The following CFAP44 variants were observed in gnomAD, a reference collection of about 807,000 sequenced individuals.
CFAP44 encodes cilia- and flagella-associated protein 44.
Under a neutral mutation model 216.2 loss-of-function variants are expected in CFAP44, and 134 were observed. The ratio of observed to expected loss-of-function variants is 0.62; its 90% CI spans 0.54 to 0.72. The LOEUF is 0.72. CFAP44 is among the 30% of genes least tolerant of loss of function. The probability of loss-of-function intolerance (pLI) is 0.00; values close to 1 mark genes in which losing one functional copy is unlikely to be tolerated. For missense variants in CFAP44, 2,035 were observed against 2,182.1 expected (o/e 0.93, Z 1.34); for synonymous variants, 700 against 727.6 (o/e 0.96, Z 0.61).
rs981869631 is a variant in CFAP44 at position 113,407,052 on chromosome 3, G to A, written c.891-11C>T. On this transcript the variant is annotated splice_polypyrimidine_tract_variant and intron_variant, in intron 7 of 34. Coordinates refer to ENST00000393845, the MANE Select transcript of CFAP44 (RefSeq NM_001164496.2). ...GCCATTTCCCAGAACCTACAAACAA[G>A]AAAGAGACTGAATGTACCTCAAAGA... 3.2e-6 allele frequency: 5 copies of A among 1,581,006 alleles called. No individual in the cohort carries two copies. The highest frequency in any genetic ancestry group is 2.7e-5 in the African/African-American group (2 of 74,196).
intron 9 of CFAP44, among the ~76,000 whole-genome samples, chr3:113,402,745 A>G (rs1934177475): frequency 6.6e-6 from 1 of 152,180 alleles, no homozygotes; most frequent in South Asian, 2.1e-4. Context: ...ACAGACTCTG[A>G]AAAGAGAAGC....
In CFAP44 at chr3:113,401,198, A is replaced by C. The variant is rs199771759; in HGVS notation, c.1374+42T>G. On this transcript the variant is annotated intron_variant, in intron 11 of 34. Coordinates refer to ENST00000393845, the MANE Select transcript of CFAP44 (RefSeq NM_001164496.2). The stretch of plus-strand genomic sequence containing the variant: ...TTAAAGACAAATAACAAAAGTTTTT[A>C]CTATGAAAGTTAGGAGAAAATAAGA... 6 of 1,517,294 alleles carry C rather than the reference A, an allele frequency of 4.0e-6. No individual in the cohort carries two copies. In the Admixed American group the frequency reaches 6.5e-5, roughly 17 times the overall value. 94.0% of individuals were successfully genotyped at this position (1,517,294 alleles called of 1,614,324 possible).
intron 33 of CFAP44, among the ~76,000 whole-genome samples, chr3:113,296,014 G>A (rs1399015815): frequency 1.3e-5 from 2 of 152,152 alleles, no homozygotes; most frequent in Non-Finnish European, 2.9e-5. Flanking sequence ...GATAGCAAAC[G>A]TTGTACCTAG....
chr3:113,392,503 C>G (rs911536243), intron 15 of CFAP44, among the ~76,000 whole-genome samples: 3 of 151,792 alleles, frequency 2.0e-5, no homozygotes, highest in African/African-American at 7.3e-5. Flanking sequence ...TTAGCACAAC[C>G]GGGAGATTAT....
intron 18 of CFAP44, among the ~76,000 whole-genome samples, chr3:113,371,864 CT>C (rs1326695265): frequency 3.3e-5 from 5 of 152,044 alleles, no homozygotes; most frequent in African/African-American, 1.2e-4. Context: ...CTACAAAGAA[CT>C]TAAACAAATT....
At chr3:113,389,830 C>T (rs1298394367) in intron 15 of CFAP44, among the ~76,000 whole-genome samples, 1 of 151,934 alleles carries the variant, frequency 6.6e-6, no homozygotes, top group Non-Finnish European at 1.5e-5. Context: ...GTGAACAGAC[C>T]AATTATGAGT....
intron 2 of CFAP44, among the ~76,000 whole-genome samples, chr3:113,430,515 C>A (rs1350693136): frequency 6.7e-6 from 1 of 149,726 alleles, no homozygotes; most frequent in Non-Finnish European, 1.5e-5. Flanking sequence ...CCTAGCTACA[C>A]CAATGAAGAA....
chr3:113,366,217 A>G lies in CFAP44; in HGVS notation c.2537T>C (p.Val846Ala). 3.1e-6 allele frequency: 5 copies of G among 1,614,122 alleles called. No individual in the cohort carries two copies. The highest frequency in any genetic ancestry group is 4.2e-6 in the Non-Finnish European group (5 of 1,179,982). ...NQNDPSLTSLVDYWHFNMHDN... is the reference protein window; with the variant it reads ...NQNDPSLTSLADYWHFNMHDN... Reference sequence around the variant, plus strand: ...ATGCATATTGAAGTGCCAGTAGTCCACCAAACTGGTCAATGAAGGATCATT... The same window carrying G: ...ATGCATATTGAAGTGCCAGTAGTCCGCCAAACTGGTCAATGAAGGATCATT... Residue 846 changes from valine to alanine, a missense_variant, in exon 19 of 35, where the codon GTG becomes GCG. By Grantham distance (64) the Val-to-Ala change is moderately conservative. Around this residue, in one of 3 missense-constraint regions of CFAP44, gnomAD observed 1,883 missense variants for 2,023.7 expected, o/e 0.93. Coordinates refer to ENST00000393845, the MANE Select transcript of CFAP44 (RefSeq NM_001164496.2).
chr3:113,317,774 T>C (rs75360553), intron 28 of CFAP44, among the ~76,000 whole-genome samples: 4,392 of 152,336 alleles, frequency 0.029, 112 homozygotes, highest in East Asian at 0.1. Context: ...TGGGGCTTTC[T>C]TCCTTTGCAG....
At chr3:113,412,270 C>T (rs984916744) in intron 6 of CFAP44, among the ~76,000 whole-genome samples, 2 of 152,048 alleles carry the variant, frequency 1.3e-5, no homozygotes, top group Non-Finnish European at 2.9e-5. Context: ...ACCCCATCGT[C>T]TCAGCTTAAT....
intron 7 of CFAP44, among the ~76,000 whole-genome samples, chr3:113,408,006 G>A (rs957222074): frequency 6.6e-6 from 1 of 152,064 alleles, no homozygotes; most frequent in African/African-American, 2.4e-5. Flanking sequence ...TAAGAAATTG[G>A]AAAATTTTCA....
intron 21 of CFAP44, among the ~76,000 whole-genome samples, chr3:113,362,438 T>C (rs769592533): frequency 6.6e-6 from 1 of 152,190 alleles, no homozygotes; most frequent in Non-Finnish European, 1.5e-5. Flanking sequence ...TCACCTCTTC[T>C]TGAAGCCGTA....
chr3:113,422,693 CCTTT>C (rs1267889604), intron 4 of CFAP44, among the ~76,000 whole-genome samples: 1 of 152,094 alleles, frequency 6.6e-6, no homozygotes, highest in Non-Finnish European at 1.5e-5. Context: ...CCCCTTCTTC[CCTTT>C]CTTTCTTTCC....
chr3:113,433,709 T>G, intron 1 of CFAP44, 40 bp from the exon 2 acceptor site: 1 of 1,459,452 alleles, frequency 6.9e-7, no homozygotes. Context: ...GATAAAGCTG[T>G]AAAATTGAAA....
In CFAP44 at chr3:113,373,105, T is replaced by A. The variant is rs566435594; in HGVS notation, c.2444+306A>T. ...TGATTCATTTGTGATTTCTCCAGAA[T>A]AACTGTAACCCTGAACCTTCATTTC... is the stretch of plus-strand genomic sequence containing the variant. On this transcript the variant is annotated intron_variant, in intron 18 of 34. Transcript: ENST00000393845. Among the ~76,000 whole-genome samples, 6 of 152,332 alleles carry A rather than the reference T, an allele frequency of 3.9e-5. No individual in the cohort carries two copies. The South Asian group carries it at 1.0e-3, about 26-fold the overall frequency.
At chr3:113,318,317 A>C (rs1211104116) in intron 28 of CFAP44, among the ~76,000 whole-genome samples, 2 of 152,216 alleles carry the variant, frequency 1.3e-5, no homozygotes, top group African/African-American at 4.8e-5. Flanking sequence ...TAACAGCAGA[A>C]TAGACTAAGA....
intron 18 of CFAP44, 78 bp from the exon 19 acceptor site, chr3:113,366,387 C>T (rs1380645337): frequency 1.3e-6 from 2 of 1,506,190 alleles, no homozygotes. Context: ...TGACAAGTGG[C>T]TAAATTAATA....
chr3:113,381,096 C>G (rs1360980057), intron 15 of CFAP44, 36 bp from the exon 16 acceptor site: 1 of 1,462,226 alleles, frequency 6.8e-7, no homozygotes, highest in Non-Finnish European at 9.1e-7. Flanking sequence ...TACATTTAGG[C>G]AAATTTTTAA....
Position 113,291,762 on chromosome 3 carries a change from A to G in CFAP44, c.5374-14T>C. The G allele has an allele frequency of 2.0e-6, 3 of 1,534,860 alleles. No individual in the cohort carries two copies. Among genetic ancestry groups the G allele is most frequent in the East Asian group, 2.4e-5 (1 of 40,898 alleles). On this transcript the variant is annotated splice_polypyrimidine_tract_variant and intron_variant, in intron 34 of 34. Transcript: ENST00000393845. ...GAAGGCATTGCCCTGTTGAAAGAAAACAGCTCCCTGTTGAAGCATCATTTG... is the reference window on the plus strand; with the variant it reads ...GAAGGCATTGCCCTGTTGAAAGAAAGCAGCTCCCTGTTGAAGCATCATTTG...
Sources: allele counts gnomAD v4.1 joint callset (sites outside exome capture counted in the v4.1 genomes callset), GRCh38; gene constraint gnomAD v4.1.1; regional missense constraint gnomAD v4.1.1; transcripts MANE v1.5; gene names NCBI Gene and HGNC (gene_info 2026-07-23, HGNC 2026-07-21).